Variants in KIF26B observed in about 807,000 individuals in gnomAD.
KIF26B encodes kinesin family member 26B.
Under a neutral mutation model 151.2 loss-of-function variants are expected in KIF26B, and 63 were observed. The ratio of observed to expected loss-of-function variants is 0.42; its 90% CI spans 0.34 to 0.51. The LOEUF is 0.51. KIF26B is among the 20% of genes least tolerant of loss of function. KIF26B has a pLI of 0.07. For synonymous variants in KIF26B, 1,357 were observed against 1,262.1 expected (o/e 1.08, Z -1.59); for missense variants, 2,813 against 2,913.6 (o/e 0.97, Z 0.79).
At chr1:245,656,238 C>T (rs546830461) in intron 10 of KIF26B, among the ~76,000 whole-genome samples, 8 of 152,074 alleles carry the variant, frequency 5.3e-5, no homozygotes, top group African/African-American at 1.7e-4. Context: ...AAGAAGGGGT[C>T]GGGTGGGGCT....
chr1:245,460,913 G>A (rs149745964), intron 4 of KIF26B, among the ~76,000 whole-genome samples: 139 of 152,354 alleles, frequency 9.1e-4, no homozygotes, highest in African/African-American at 3.2e-3. Flanking sequence ...AGATGGGAAA[G>A]GATTCTGCCT....
At chr1:245,623,033 T>G (rs1268233575) in intron 9 of KIF26B, among the ~76,000 whole-genome samples, 3 of 138,598 alleles carry the variant, frequency 2.2e-5, no homozygotes, top group Non-Finnish European at 3.2e-5. Flanking sequence ...CAAGTTTTTT[T>G]TTTTTTTTTT....
chr1:245,701,319 T>C (rs2044768989), intron 14 of KIF26B, among the ~76,000 whole-genome samples: 1 of 152,206 alleles, frequency 6.6e-6, no homozygotes, highest in Non-Finnish European at 1.5e-5. Context: ...AAAGATCCAT[T>C]TTTAGTTCTA....
Position 245,688,197 on chromosome 1 carries a change from C to T in KIF26B, c.5214C>T (p.Leu1738=), listed in dbSNP as rs754059464. The T allele has an allele frequency of 3.8e-6, 6 of 1,595,548 alleles. No individual in the cohort carries two copies. The highest frequency in any genetic ancestry group is 4.5e-5 in the East Asian group (2 of 44,724). ...CCAAGATCTCCGCCGTGAGCAGACT[C>T]CTCCTGGCCAGCCCCAGAGCGCGCG... The part of the protein sequence containing the change: ...GQSKISAVSR[L]LLASPRARGP... The change falls in exon 12 of 15, where the codon CTC becomes CTT. Residue 1738 remains leucine (L), a synonymous_variant. Coordinates refer to ENST00000407071, the MANE Select transcript of KIF26B (RefSeq NM_018012.4).
intron 2 of KIF26B, among the ~76,000 whole-genome samples, chr1:245,292,179 A>G (rs918764699): frequency 6.6e-6 from 1 of 152,188 alleles, no homozygotes; most frequent in Non-Finnish European, 1.5e-5. Flanking sequence ...ATGACATCGA[A>G]TTCGCACTAA....
chr1:245,687,996 G>C lies in KIF26B; in HGVS notation c.5013G>C (p.Arg1671Ser). The change falls in exon 12 of 15, where the codon AGG (arginine) becomes AGC (serine). Residue 1671 changes from arginine (R) to serine (S), a missense_variant. By Grantham distance (110) the Arg-to-Ser change is moderately radical. Transcript: ENST00000407071. This position sits in a 1 kb window ranked among gnomAD's most constrained non-coding sequence, Gnocchi z 4.9. Reference sequence around the variant, plus strand: ...CCAGCAGAAGCAACTCGCTGGGCAGGGCGACAGTCAGCCACTACGAATGCC... The same window carrying C: ...CCAGCAGAAGCAACTCGCTGGGCAGCGCGACAGTCAGCCACTACGAATGCC... ...QLASRSNSLG[R>S]ATVSHYECLS... 1 of 1,569,978 alleles carries C rather than the reference G, an allele frequency of 6.4e-7. No homozygotes were observed. Among genetic ancestry groups the C allele is most frequent in the Non-Finnish European group, 8.6e-7 (1 of 1,159,358 alleles).
intron 2 of KIF26B, among the ~76,000 whole-genome samples, chr1:245,163,608 T>C (rs769994737): frequency 2.8e-4 from 42 of 152,198 alleles, no homozygotes; most frequent in Non-Finnish European, 5.6e-4. Flanking sequence ...GGGGGAATAG[T>C]TGGCATCTTT....
At chr1:245,690,289 G>A (rs1282953469) in intron 12 of KIF26B, among the ~76,000 whole-genome samples, 2 of 152,142 alleles carry the variant, frequency 1.3e-5, no homozygotes, top group African/African-American at 2.4e-5. Context: ...CTCCCCTCCC[G>A]CTGCCCTTCT....
At chr1:245,661,344 C>CAGTTA (rs74163070) in intron 10 of KIF26B, among the ~76,000 whole-genome samples, 102,555 of 151,308 alleles carry the variant, frequency 0.68, 34,890 homozygotes, top group East Asian at 0.82. Flanking sequence ...CTAATCGCCA[C>CAGTTA]AGTTACTTGG....
At chr1:245,530,851 GT>G in intron 4 of KIF26B, among the ~76,000 whole-genome samples, 1 of 152,328 alleles carries the variant, frequency 6.6e-6, no homozygotes, top group Admixed American at 6.5e-5. Flanking sequence ...GATGGCTTTA[GT>G]GATATTTATA....
intron 5 of KIF26B, among the ~76,000 whole-genome samples, chr1:245,574,715 A>G (rs2043099980): frequency 6.6e-6 from 1 of 152,150 alleles, no homozygotes; most frequent in Non-Finnish European, 1.5e-5. Context: ...TGTGACTAAC[A>G]TCGTGGGTGT....
intron 4 of KIF26B, among the ~76,000 whole-genome samples, chr1:245,519,502 C>T (rs114937047): frequency 0.018 from 2,697 of 151,324 alleles, 88 homozygotes; most frequent in African/African-American, 0.061. Flanking sequence ...TGCAGTGAGT[C>T]GAGGTGGTAC....
In KIF26B at chr1:245,540,157, T is replaced by C. The variant is rs1019990854; in HGVS notation, c.1167-610T>C. Among the ~76,000 whole-genome samples, 3 of 152,166 alleles carry C rather than the reference T, an allele frequency of 2.0e-5. No individual in the cohort carries two copies. The highest frequency in any genetic ancestry group is 4.4e-5 in the Non-Finnish European group (3 of 68,026). ...TATTTAAAGACCTCCCTGCACAATATCCTCTTATCTACGTAAGCAGCCCAT... is the reference window on the plus strand; with the variant it reads ...TATTTAAAGACCTCCCTGCACAATACCCTCTTATCTACGTAAGCAGCCCAT... On this transcript the variant is annotated intron_variant, in intron 4 of 14. Transcript: ENST00000407071. The surrounding 1 kb of genome is among the most constrained non-coding windows in gnomAD (Gnocchi z 4.6).
At position 245,430,670 on chromosome 1, in the gene KIF26B, G is replaced by GAA. The variant is rs11435071; in HGVS notation, c.1166+10933_1166+10934dup. ...CGACAAGAGTGAGACCCTTCTCTTAGAAAAAAAAATAATCATAATAGCCTA... is the reference window on the plus strand; with the variant it reads ...CGACAAGAGTGAGACCCTTCTCTTAGAAAAAAAAAAATAATCATAATAGCCTA... On this transcript the variant is annotated intron_variant, in intron 4 of 14. Transcript: ENST00000407071. Among the ~76,000 whole-genome samples the GAA allele has an allele frequency of 6.0e-5, 9 of 151,064 alleles. No individual in the cohort carries two copies. The East Asian group carries it at 7.7e-4, about 13-fold the overall frequency.
At chr1:245,305,530 A>G (rs1434955667) in intron 2 of KIF26B, among the ~76,000 whole-genome samples, 1 of 152,268 alleles carries the variant, frequency 6.6e-6, no homozygotes, top group Non-Finnish European at 1.5e-5. Flanking sequence ...ACACAAGTCA[A>G]AACTACAATG....
At chr1:245,598,373 T>C (rs1455258145) in intron 5 of KIF26B, among the ~76,000 whole-genome samples, 1 of 152,144 alleles carries the variant, frequency 6.6e-6, no homozygotes, top group Non-Finnish European at 1.5e-5. Context: ...GAGGGATCCT[T>C]CCAGTGGTCA....
chr1:245,429,284 C>T (rs537499112), intron 4 of KIF26B, among the ~76,000 whole-genome samples: 3 of 152,294 alleles, frequency 2.0e-5, no homozygotes, highest in African/African-American at 4.8e-5. Flanking sequence ...GAATTCTCAA[C>T]GTTCCCTTTT....
intron 2 of KIF26B, among the ~76,000 whole-genome samples, chr1:245,278,908 C>T (rs185094843): frequency 3.9e-4 from 59 of 152,250 alleles, no homozygotes; most frequent in African/African-American, 1.4e-3. Flanking sequence ...TGGGACTTGC[C>T]CCCATGCAGG....
At chr1:245,525,883 C>A (rs1014886383) in intron 4 of KIF26B, among the ~76,000 whole-genome samples, 2 of 152,104 alleles carry the variant, frequency 1.3e-5, no homozygotes, top group Non-Finnish European at 2.9e-5. Context: ...GTATTTTAAA[C>A]CTATCTGAGT....
Sources: allele counts gnomAD v4.1 joint callset (sites outside exome capture counted in the v4.1 genomes callset), GRCh38; gene constraint gnomAD v4.1.1; non-coding constraint Gnocchi (gnomAD v3.1); transcripts MANE v1.5; gene names NCBI Gene and HGNC (gene_info 2026-07-23, HGNC 2026-07-21).